The following ELF1 variants were observed in gnomAD, a reference collection of about 807,000 sequenced individuals.
The protein encoded by ELF1 is E74 like ETS transcription factor 1.
A neutral mutation model predicts 59.9 loss-of-function variants in ELF1; 24 were observed. The observed-to-expected ratio is 0.40, with a 90% CI of 0.29 to 0.56. The LOEUF is 0.56. Ranked by LOEUF, ELF1 falls within the 20% of genes least tolerant of loss-of-function variation. The pLI is 0.44. For synonymous variants in ELF1, 248 were observed against 266.2 expected (o/e 0.93, Z 0.67); for missense variants, 627 against 742.2 (o/e 0.84, Z 1.80).
intron 2 of ELF1, among the ~76,000 whole-genome samples, chr13:40,975,612 G>T (rs1254142944): frequency 6.6e-6 from 1 of 152,146 alleles, no homozygotes; most frequent in East Asian, 1.9e-4. Context: ...ATCTGTTTCT[G>T]GTCTTAGAAC....
At chr13:41,010,448 T>A in intron 1 of ELF1, among the ~76,000 whole-genome samples, 1 of 132,788 alleles carries the variant, frequency 7.5e-6, no homozygotes, top group Non-Finnish European at 1.6e-5. Context: ...TACACCCCTA[T>A]CTCCCCCCCA....
intron 1 of ELF1, among the ~76,000 whole-genome samples, chr13:41,049,013 T>C (rs1222110315): frequency 1.3e-5 from 2 of 152,220 alleles, no homozygotes; most frequent in African/African-American, 4.8e-5. Flanking sequence ...ACTTGTTGTG[T>C]TAGACCTATC....
chr13:40,966,472 T>C (rs576186724), intron 2 of ELF1, among the ~76,000 whole-genome samples: 1 of 152,318 alleles, frequency 6.6e-6, no homozygotes, highest in East Asian at 1.9e-4. Flanking sequence ...CACGATATAG[T>C]TTCCACTTGT....
chr13:40,940,708 G>A (rs1870101236), intron 8 of ELF1, among the ~76,000 whole-genome samples: 1 of 152,166 alleles, frequency 6.6e-6, no homozygotes, highest in Admixed American at 6.5e-5. Context: ...ACAGAATAAT[G>A]CCAGTAATGT....
intron 2 of ELF1, among the ~76,000 whole-genome samples, chr13:40,978,937 T>G (rs867935094): frequency 2.6e-4 from 40 of 152,080 alleles, no homozygotes; most frequent in South Asian, 6.2e-4. Flanking sequence ...ATGAGTATAT[T>G]GCTTGTTACA....
At chr13:41,059,157 G>A (rs1877398528) in intron 1 of ELF1, among the ~76,000 whole-genome samples, 1 of 152,112 alleles carries the variant, frequency 6.6e-6, no homozygotes, top group African/African-American at 2.4e-5. Flanking sequence ...ATCTATTCAG[G>A]AATCGCTCAA....
intron 1 of ELF1, chr13:40,982,780 A>G (rs1483006726): frequency 2.0e-5 from 14 of 703,956 alleles, no homozygotes; most frequent in Non-Finnish European, 2.3e-5. Context: ...TAAATCTTTT[A>G]AAAATAAGCA....
chr13:40,939,553 C>T (rs1445008886), intron 8 of ELF1, among the ~76,000 whole-genome samples: 1 of 152,150 alleles, frequency 6.6e-6, no homozygotes, highest in Non-Finnish European at 1.5e-5. Flanking sequence ...CAACCAGACA[C>T]CCAGTCATCA....
intron 3 of ELF1, among the ~76,000 whole-genome samples, chr13:40,953,332 A>G (rs1371151690): frequency 2.0e-5 from 3 of 152,174 alleles, no homozygotes; most frequent in Non-Finnish European, 2.9e-5. Context: ...CCAAAATTCT[A>G]TGTTGACATG....
intron 1 of ELF1, among the ~76,000 whole-genome samples, chr13:41,048,744 T>TA (rs944430702): frequency 1.9e-3 from 268 of 142,366 alleles, no homozygotes; most frequent in African/African-American, 5.2e-3. Context: ...GTTTTTCCTT[T>TA]AAAAAAAAAA....
chr13:41,017,412 G>A (rs1875470349), intron 1 of ELF1, among the ~76,000 whole-genome samples: 1 of 152,120 alleles, frequency 6.6e-6, no homozygotes, highest in African/African-American at 2.4e-5. Flanking sequence ...TAAAAGTGAG[G>A]CAGTTGGACA....
chr13:40,934,671 C>T (rs1230445222), intron 8 of ELF1, among the ~76,000 whole-genome samples: 16 of 152,116 alleles, frequency 1.1e-4, no homozygotes, highest in Admixed American at 7.9e-4. Flanking sequence ...CCACCCGCCT[C>T]GGCCTCCCAA....
At chr13:41,034,336 C>T (rs1474330055) in intron 1 of ELF1, among the ~76,000 whole-genome samples, 2 of 152,116 alleles carry the variant, frequency 1.3e-5, no homozygotes, top group African/African-American at 4.8e-5. Context: ...AGCACTGTAC[C>T]AATGTTAGTT....
Position 41,033,731 on chromosome 13 carries a change from G to A in ELF1, c.-229+27107C>T, listed in dbSNP as rs145469231. Among the ~76,000 whole-genome samples, 40 of 152,292 alleles carry A rather than the reference G, an allele frequency of 2.6e-4. No homozygotes were observed. In the East Asian group the frequency reaches 7.3e-3, roughly 28 times the overall value. On this transcript the variant is annotated intron_variant, in intron 1 of 1. Transcript: ENST00000405737. ...ATTTGAGGTGGAACAGTTTCATCCTGAAACCATCCCACCAACTTCTGTGGA... is the reference window on the plus strand; with the variant it reads ...ATTTGAGGTGGAACAGTTTCATCCTAAAACCATCCCACCAACTTCTGTGGA...
chr13:41,009,481 T>C lies in ELF1; in HGVS notation c.-229+9747A>G, dbSNP rs1010263857. On this transcript the variant is annotated intron_variant, in intron 1 of 8. Transcript: ENST00000239882. ...TGCAGAAGATTTTTTCAGTTTATAC[T>C]GTTAGCAACAGAATACCTGCATGGA... Among the ~76,000 whole-genome samples the C allele has an allele frequency of 5.3e-5, 8 of 152,296 alleles. No individual in the cohort carries two copies. In the South Asian group the frequency reaches 1.7e-3, roughly 32 times the overall value.
chr13:40,986,643 G>A (rs1293361844), intron 1 of ELF1, among the ~76,000 whole-genome samples: 1 of 21,788 alleles, frequency 4.6e-5, no homozygotes, highest in Non-Finnish European at 9.7e-5. Flanking sequence ...GCTTCAAGGC[G>A]AGGACTTCAC....
intron 2 of ELF1, among the ~76,000 whole-genome samples, chr13:40,967,967 ATTTGAT>A (rs1872284786): frequency 6.6e-6 from 1 of 151,334 alleles, no homozygotes; most frequent in South Asian, 2.1e-4. Flanking sequence ...CTTTGTTGGG[ATTTGAT>A]TTTGTTTTAT....
intron 7 of ELF1, among the ~76,000 whole-genome samples, chr13:40,942,582 T>C (rs1220805906): frequency 6.6e-6 from 1 of 152,120 alleles, no homozygotes; most frequent in Non-Finnish European, 1.5e-5. Flanking sequence ...AGTTCAGTAG[T>C]ACAATCTGGA....
intron 1 of ELF1, among the ~76,000 whole-genome samples, chr13:41,057,404 C>T (rs894757958): frequency 1.3e-5 from 2 of 151,402 alleles, no homozygotes; most frequent in Non-Finnish European, 2.9e-5. Flanking sequence ...TTTTTTTCCC[C>T]CCACCCCGAG....
Sources: gnomAD v4.1 joint callset for allele counts (sites outside exome capture counted in the v4.1 genomes callset) on GRCh38, gnomAD v4.1.1 for gene constraint, MANE v1.5 for transcripts, NCBI Gene and HGNC (gene_info 2026-07-23, HGNC 2026-07-21) for gene names.